SPAG17: variants seen among roughly 807,000 people sequenced by gnomAD.
SPAG17 encodes the protein sperm associated antigen 17, also known as sperm-associated antigen 17.
Under a neutral mutation model 273.6 loss-of-function variants are expected in SPAG17, and 169 were observed. That is an observed-to-expected ratio of 0.62 (90% CI 0.55 to 0.70). SPAG17 has a LOEUF of 0.70. Ranked by LOEUF, SPAG17 falls within the 30% of genes least tolerant of loss-of-function variation. The probability of loss-of-function intolerance (pLI) is 0.00; values close to 1 mark genes in which losing one functional copy is unlikely to be tolerated. For missense variants in SPAG17, 2,557 were observed against 2,627.8 expected, an observed-to-expected ratio of 0.97 and a Z score of 0.59; for synonymous variants, 825 against 873.2, an observed-to-expected ratio of 0.94 and a Z score of 0.97.
chr1:118,095,753 G>A (rs1655667790), intron 7 of SPAG17, among the ~76,000 whole-genome samples: 1 of 152,100 alleles, frequency 6.6e-6, no homozygotes, highest in South Asian at 2.1e-4. Context: ...AAGAAAATAG[G>A]GTGGAATGTT....
At chr1:118,083,797 C>G (rs146382940) in intron 13 of SPAG17, among the ~76,000 whole-genome samples, 16 of 151,860 alleles carry the variant, frequency 1.1e-4, no homozygotes, top group Non-Finnish European at 2.2e-4. Flanking sequence ...AAAACAAAAA[C>G]AAAAACAGAG....
chr1:118,117,279 C>T (rs530470739), intron 3 of SPAG17, among the ~76,000 whole-genome samples: 12 of 152,218 alleles, frequency 7.9e-5, no homozygotes, highest in East Asian at 1.9e-4. Context: ...CTTTTCCTGA[C>T]GACCTGTGAA....
chr1:118,143,020 A>G (rs1031569555), intron 3 of SPAG17, among the ~76,000 whole-genome samples: 1 of 152,216 alleles, frequency 6.6e-6, no homozygotes, highest in African/African-American at 2.4e-5. Flanking sequence ...ACTTAACCAT[A>G]TAAATCTTAA....
chr1:118,039,196 A>C, intron 23 of SPAG17, 96 bp downstream of exon 23: 5 of 1,348,838 alleles, frequency 3.7e-6, no homozygotes, highest in Non-Finnish European at 5.1e-6. Flanking sequence ...GAAACTTGAG[A>C]AAAAGAACAT....
At chr1:118,117,458 C>T (rs563997377) in intron 3 of SPAG17, among the ~76,000 whole-genome samples, 2 of 152,306 alleles carry the variant, frequency 1.3e-5, no homozygotes, top group East Asian at 3.9e-4. Flanking sequence ...AAGTATTTTG[C>T]AGGTCATAAT....
At chr1:118,066,576 T>A (rs1158756550) in intron 18 of SPAG17, among the ~76,000 whole-genome samples, 169 bp downstream of exon 18, 1 of 152,220 alleles carries the variant, frequency 6.6e-6, no homozygotes, top group African/African-American at 2.4e-5. Flanking sequence ...GCCCAGCACA[T>A]GCTGACATTC....
At chr1:118,018,201 A>G (rs1660157197) in intron 28 of SPAG17, among the ~76,000 whole-genome samples, 1 of 152,138 alleles carries the variant, frequency 6.6e-6, no homozygotes, top group Admixed American at 6.6e-5. Flanking sequence ...AACCTGCACA[A>G]TCTGGATGGA....
chr1:118,083,501 C>A (rs1039146057), intron 13 of SPAG17, among the ~76,000 whole-genome samples: 1 of 151,954 alleles, frequency 6.6e-6, no homozygotes, highest in African/African-American at 2.4e-5. Context: ...AAAACAGAGA[C>A]AGCGGTGGGG....
At chr1:118,041,726 A>G in intron 21 of SPAG17, 77 bp downstream of exon 21, 1 of 1,536,012 alleles carries the variant, frequency 6.5e-7, no homozygotes, top group Non-Finnish European at 8.7e-7. Flanking sequence ...AAACAAAAGA[A>G]TCTTATAATA....
At chr1:117,993,853 G>T (rs963525024) in intron 35 of SPAG17, among the ~76,000 whole-genome samples, 6 of 152,120 alleles carry the variant, frequency 3.9e-5, no homozygotes, top group African/African-American at 1.4e-4. Flanking sequence ...TCTTACCCAA[G>T]ATATTTTATT....
intron 15 of SPAG17, chr1:118,076,568 C>T (rs1654115094): frequency 6.6e-6 from 1 of 152,048 alleles, no homozygotes; most frequent in Non-Finnish European, 1.5e-5. Context: ...TGTGGTCTGC[C>T]AGATTTCCGG....
intron 18 of SPAG17, 82 bp downstream of exon 18, chr1:118,066,663 G>A (rs879538781): frequency 1.2e-5 from 14 of 1,198,636 alleles, no homozygotes; most frequent in Non-Finnish European, 1.6e-5. Context: ...TTAGGGTAAG[G>A]AACTAACACC....
At chr1:117,963,996 C>G in intron 47 of SPAG17, 58 bp from the exon 48 acceptor site, 2 of 1,538,336 alleles carry the variant, frequency 1.3e-6, no homozygotes, top group Admixed American at 3.9e-5. Flanking sequence ...ATATATAAAC[C>G]TAAATAACAT....
At chr1:118,002,479 A>G (rs1395290951) in intron 32 of SPAG17, among the ~76,000 whole-genome samples, 1 of 152,166 alleles carries the variant, frequency 6.6e-6, no homozygotes, top group Non-Finnish European at 1.5e-5. Flanking sequence ...TAGGTCTCTA[A>G]GGACTTGCTT....
At chr1:118,090,113 G>T (rs1655267520) in intron 10 of SPAG17, among the ~76,000 whole-genome samples, 1 of 152,130 alleles carries the variant, frequency 6.6e-6, no homozygotes, top group Non-Finnish European at 1.5e-5. Context: ...CTAATACAAT[G>T]GGGGATAAAA....
chr1:118,086,206 G>A, intron 12 of SPAG17, 134 bp from the exon 13 acceptor site: 1 of 878,892 alleles, frequency 1.1e-6, no homozygotes, highest in Non-Finnish European at 1.7e-6. Flanking sequence ...AATTGGGAAA[G>A]ACAAACTTTT....
In SPAG17 at chr1:118,081,754, C is replaced by T. The variant is rs888954801; in HGVS notation, c.1763-112G>A. On this transcript the variant is annotated intron_variant, in intron 13 of 48. Coordinates refer to ENST00000336338, the MANE Select transcript of SPAG17 (RefSeq NM_206996.4). ...CTACCAGAAAGACAAGAGAGTCACG[C>T]CACAATGGCTGTTGAGCTGATTTTA... is the stretch of plus-strand genomic sequence containing the variant. The T allele has an allele frequency of 4.5e-5, 37 of 830,024 alleles. No individual in the cohort carries two copies. The African/African-American group carries it at 5.5e-4, about 12-fold the overall frequency. 51.4% of individuals were successfully genotyped at this position (830,024 alleles called of 1,614,324 possible). A position where few individuals can be genotyped will look rare whatever the true frequency, so the allele number is the denominator to read the frequency against.
chr1:118,028,041 C>G (rs1024756385), intron 26 of SPAG17, among the ~76,000 whole-genome samples: 1 of 152,108 alleles, frequency 6.6e-6, no homozygotes, highest in Non-Finnish European at 1.5e-5. Flanking sequence ...GCCTCGATTT[C>G]CTTATTTTGT....
rs1180882193 is a variant in SPAG17, at chr1:117,992,319, C to A, written c.5361+147G>T. On this transcript the variant is annotated intron_variant, in intron 36 of 48. Coordinates refer to ENST00000336338, the MANE Select transcript of SPAG17 (RefSeq NM_206996.4). ...GAACCATTAAATATTTTCTACCTCT[C>A]AACCCTCTACTCTGAAAGACTGACA... 7.3e-6 allele frequency: 5 copies of A among 685,066 alleles called. No individual in the cohort carries two copies. In the African/African-American group the frequency reaches 7.4e-5, roughly 10 times the overall value. The allele number at this position is 685,066 out of a possible 1,614,324, so 42.4% of individuals were successfully genotyped here. A position where few individuals can be genotyped will look rare whatever the true frequency, so the allele number is the denominator to read the frequency against.
Sources: gnomAD v4.1 joint callset for allele counts (sites outside exome capture counted in the v4.1 genomes callset) on GRCh38, gnomAD v4.1.1 for gene constraint, MANE v1.5 for transcripts, NCBI Gene and HGNC (gene_info 2026-07-23, HGNC 2026-07-21) for gene names.